ITSN1: variants seen among roughly 807,000 people sequenced by gnomAD.
The protein encoded by ITSN1 is intersectin-1.
A neutral mutation model predicts 239.8 loss-of-function variants in ITSN1; 58 were observed. That is an observed-to-expected ratio of 0.24 (90% CI 0.20 to 0.30). The LOEUF is 0.30. Ranked by LOEUF, ITSN1 falls within the 10% of genes least tolerant of loss-of-function variation. The probability of loss-of-function intolerance (pLI) is 1.00; values close to 1 mark genes in which losing one functional copy is unlikely to be tolerated. For synonymous variants in ITSN1, 780 were observed against 770.8 expected, an observed-to-expected ratio of 1.01 and a Z score of -0.20; for missense variants, 1,558 against 2,103.3, an observed-to-expected ratio of 0.74 and a Z score of 5.07.
At chr21:33,709,372 C>G (rs1329352837) in intron 1 of ITSN1, among the ~76,000 whole-genome samples, 2 of 152,168 alleles carry the variant, frequency 1.3e-5, no homozygotes, top group African/African-American at 4.8e-5. Context: ...CGGAGTTTCA[C>G]TCTTGTTGCC....
chr21:33,805,673 G>GTTT (rs112201792), intron 20 of ITSN1, among the ~76,000 whole-genome samples: 3 of 151,994 alleles, frequency 2.0e-5, no homozygotes, highest in African/African-American at 7.2e-5. Context: ...TTTTTTGTTT[G>GTTT]TTTATTTTTT....
intron 1 of ITSN1, among the ~76,000 whole-genome samples, chr21:33,718,506 A>G (rs1349872809): frequency 1.3e-5 from 2 of 152,250 alleles, no homozygotes; most frequent in Admixed American, 1.3e-4. Flanking sequence ...GAAGTATGCA[A>G]GAGGACGTGC....
chr21:33,717,636 A>T (rs1389761094), intron 1 of ITSN1, among the ~76,000 whole-genome samples: 1 of 151,844 alleles, frequency 6.6e-6, no homozygotes, highest in Non-Finnish European at 1.5e-5. Context: ...GCTCACTGCA[A>T]GCTCCATCTC....
At chr21:33,751,198 T>A (rs2067526626) in intron 6 of ITSN1, among the ~76,000 whole-genome samples, 1 of 152,230 alleles carries the variant, frequency 6.6e-6, no homozygotes, top group African/African-American at 2.4e-5. Flanking sequence ...TGTGTGCAGT[T>A]GTTTTTCCAG....
chr21:33,660,946 G>A (rs1486882039), intron 1 of ITSN1, among the ~76,000 whole-genome samples: 5 of 152,126 alleles, frequency 3.3e-5, no homozygotes, highest in African/African-American at 9.7e-5. Flanking sequence ...TCTTACAAAT[G>A]TTGACACATT....
At position 33,892,895 on chromosome 21, in the gene ITSN1, T is replaced by G. The variant is rs980010532; in HGVS notation, c.*4595T>G. 6.6e-6 allele frequency: 1 copy of G among 152,072 alleles called. No homozygotes were observed. Among genetic ancestry groups the G allele is most frequent in the African/African-American group, 2.4e-5 (1 of 41,398 alleles). The allele number at this position is 152,072 out of a possible 1,614,324, so 9.4% of individuals were successfully genotyped here. On this transcript the variant is annotated 3_prime_UTR_variant, in exon 40 of 40. Transcript: ENST00000381318. ...CGTAAAGCAGCAGAAAGACTGAGGG[T>G]GCAAAGAAACCACAGCTGCCATTCA...
At chr21:33,822,071 C>T (rs2073711910) in intron 24 of ITSN1, among the ~76,000 whole-genome samples, 1 of 152,190 alleles carries the variant, frequency 6.6e-6, no homozygotes, top group Non-Finnish European at 1.5e-5. Context: ...TTCTGTTTTC[C>T]CTGGGACGTT....
chr21:33,645,020 C>T (rs1415483251), intron 1 of ITSN1, among the ~76,000 whole-genome samples: 1 of 152,054 alleles, frequency 6.6e-6, no homozygotes, highest in African/African-American at 2.4e-5. Context: ...CAGGGTCTCT[C>T]TGTGTTGCTC....
At position 33,882,142 on chromosome 21, in the gene ITSN1, C is replaced by A; in HGVS notation, c.4342-101C>A. On this transcript the variant is annotated intron_variant, in intron 34 of 39. Transcript: ENST00000381318. The surrounding 1 kb of genome is among the most constrained non-coding windows in gnomAD (Gnocchi z 4.5). ...GCTATCCTTGACTTTTGCCTGAGAT[C>A]CGAGTCTGCTGGGGCCTGGCCTCTG... is the stretch of plus-strand genomic sequence containing the variant. 1 of 986,598 alleles carries A rather than the reference C, an allele frequency of 1.0e-6. No homozygotes were observed. Among genetic ancestry groups the A allele is most frequent in the Non-Finnish European group, 1.5e-6 (1 of 669,088 alleles). The allele number at this position is 986,598 out of a possible 1,614,324, so 61.1% of individuals were successfully genotyped here. A position where few individuals can be genotyped will look rare whatever the true frequency, so the allele number is the denominator to read the frequency against.
intron 28 of ITSN1, 59 bp downstream of exon 28, chr21:33,834,483 C>T: frequency 3.5e-6 from 4 of 1,151,480 alleles, no homozygotes; most frequent in Non-Finnish European, 5.1e-6. Context: ...AGTTTTTCCA[C>T]TTGATTTTCT....
chr21:33,794,418 A>G lies in ITSN1; in HGVS notation c.1902A>G (p.Glu634=). 6.2e-7 allele frequency: 1 copy of G among 1,613,982 alleles called. No homozygotes were observed. Among genetic ancestry groups the G allele is most frequent in the South Asian group, 1.1e-5 (1 of 91,050 alleles). The change falls in exon 17 of 40, where the codon GAA becomes GAG. Residue 634 remains glutamate, a synonymous_variant. Coordinates refer to ENST00000381318, the MANE Select transcript of ITSN1 (RefSeq NM_003024.3). The stretch of plus-strand genomic sequence containing the variant: ...AGGCTGAACGACTGAAACAGAAAGA[A>G]CAAGAACGAAAGATCATAGAATTAG... ...SMEAERLKQK[E]QERKIIELEK... is the part of the protein sequence containing the mutation.
intron 4 of ITSN1, among the ~76,000 whole-genome samples, chr21:33,729,922 C>T (rs1324826612): frequency 2.6e-5 from 4 of 152,116 alleles, no homozygotes; most frequent in South Asian, 4.1e-4. Flanking sequence ...TGAAGTCCTG[C>T]GTTTTTATTT....
In ITSN1 at chr21:33,728,057, C is replaced by T. The variant is rs138239585; in HGVS notation, c.185+5406C>T. The stretch of plus-strand genomic sequence containing the variant: ...TGGGCTCACTGCAACCTCTGTCTCC[C>T]GGGTCTAAGTGATTCTTCTGCATCA... On this transcript the variant is annotated intron_variant, in intron 4 of 39. Transcript: ENST00000381318. 9.2e-5 allele frequency among the ~76,000 whole-genome samples: 14 copies of T among 151,956 alleles called. No individual in the cohort carries two copies. In the East Asian group the frequency reaches 9.7e-4, roughly 10 times the overall value.
At chr21:33,781,361 G>T in intron 14 of ITSN1, 100 bp from the exon 15 acceptor site, 1 of 688,110 alleles carries the variant, frequency 1.5e-6, no homozygotes, top group East Asian at 3.0e-5. Flanking sequence ...GCAGGATTTG[G>T]GAAGAGTCTG....
intron 1 of ITSN1, among the ~76,000 whole-genome samples, chr21:33,694,779 A>G (rs1456234360): frequency 1.3e-5 from 2 of 152,074 alleles, no homozygotes; most frequent in Non-Finnish European, 1.5e-5. Context: ...ATATCACACC[A>G]CTGCACTCCA....
chr21:33,712,547 CCT>C (rs561886891), intron 1 of ITSN1, among the ~76,000 whole-genome samples: 19 of 152,158 alleles, frequency 1.2e-4, no homozygotes, highest in Non-Finnish European at 2.6e-4. Flanking sequence ...TACCTTCTTT[CCT>C]CTCTGGTTTT....
chr21:33,741,689 G>A (rs947453160), intron 5 of ITSN1, among the ~76,000 whole-genome samples: 1 of 151,878 alleles, frequency 6.6e-6, no homozygotes, highest in Non-Finnish European at 1.5e-5. Flanking sequence ...TCAGGAGATC[G>A]AGACCATCCT....
chr21:33,794,481 T>TGA lies in ITSN1; in HGVS notation c.1952+14_1952+15insAG. On this transcript the variant is annotated intron_variant, in intron 17 of 39. Transcript: ENST00000381318. ...AAGAAGCCCAAAGGTGAGTCTTCTT[T>TGA]GGATTGTGGACTCATCTGGAAGGAA... 1 of 1,607,246 alleles carries TGA rather than the reference T, an allele frequency of 6.2e-7. No individual in the cohort carries two copies. The highest frequency in any genetic ancestry group is 8.5e-7 in the Non-Finnish European group (1 of 1,178,114).
rs1372794773 is a variant in ITSN1, at chr21:33,897,759, CTAATT to C, written c.*9463_*9467del. The C allele has an allele frequency of 6.6e-6, 1 of 152,028 alleles. No homozygotes were observed. Among genetic ancestry groups the C allele is most frequent in the Admixed American group, 6.5e-5 (1 of 15,278 alleles). The allele number at this position is 152,028 out of a possible 1,614,324, so 9.4% of individuals were successfully genotyped here. ...ATGTATATGAGAGTATTTTAGGAAT[CTAATT>C]TAAGTGCATAAAACTATAGAAAAAA... On this transcript the variant is annotated 3_prime_UTR_variant, in exon 40 of 40. Transcript: ENST00000381318.
Sources: gnomAD v4.1 joint callset for allele counts (sites outside exome capture counted in the v4.1 genomes callset) on GRCh38, gnomAD v4.1.1 for gene constraint, Gnocchi (gnomAD v3.1) non-coding constraint, MANE v1.5 for transcripts, NCBI Gene and HGNC (gene_info 2026-07-23, HGNC 2026-07-21) for gene names.